The following RORA variants were observed in gnomAD, a reference collection of about 807,000 sequenced individuals.
RORA encodes the protein nuclear receptor ROR-alpha.
RORA carries 7 observed loss-of-function variants against 69.5 expected under a neutral mutation model. That is an observed-to-expected ratio of 0.10 (90% CI 0.06 to 0.19). The LOEUF (loss-of-function observed/expected upper bound fraction) is 0.19. RORA is among the 10% of genes least tolerant of loss of function. RORA has a pLI of 1.00. For missense variants in RORA, 457 were observed against 663.0 expected (o/e 0.69, Z 3.41); for synonymous variants, 261 against 240.8 (o/e 1.08, Z -0.78).
At chr15:60,516,172 T>TAA (rs1491109635) in intron 3 of RORA, among the ~76,000 whole-genome samples, 1 of 33,568 alleles carries the variant, frequency 3.0e-5, no homozygotes, top group African/African-American at 1.3e-4. Context: ...TATATATATA[T>TAA]TTATATATAT....
intron 1 of RORA, among the ~76,000 whole-genome samples, chr15:60,887,803 C>T (rs376854314): frequency 2.6e-5 from 4 of 152,248 alleles, no homozygotes; most frequent in Admixed American, 2.0e-4. Context: ...CACCTTGCTG[C>T]GGGCATCAGC....
At chr15:60,784,383 G>C (rs1409889725) in intron 1 of RORA, among the ~76,000 whole-genome samples, 1 of 152,110 alleles carries the variant, frequency 6.6e-6, no homozygotes, top group African/African-American at 2.4e-5. Flanking sequence ...GGAGATTCTG[G>C]ACATTCCAAT....
At chr15:60,939,659 A>G (rs926260169) in intron 1 of RORA, among the ~76,000 whole-genome samples, 5 of 152,180 alleles carry the variant, frequency 3.3e-5, no homozygotes, top group African/African-American at 1.2e-4. Flanking sequence ...TTCCCCGCTC[A>G]TTATGGTGAA....
At chr15:60,953,955 G>T (rs1322568641) in intron 1 of RORA, among the ~76,000 whole-genome samples, 1 of 151,624 alleles carries the variant, frequency 6.6e-6, no homozygotes, top group Non-Finnish European at 1.5e-5. Flanking sequence ...TATACCCAGA[G>T]GACTATAAAT....
At chr15:60,613,540 C>T (rs76111634) in intron 2 of RORA, among the ~76,000 whole-genome samples, 6 of 152,148 alleles carry the variant, frequency 3.9e-5, no homozygotes, top group African/African-American at 4.8e-5. Context: ...GGTTGTTCTA[C>T]GATTCAAATA....
intron 1 of RORA, among the ~76,000 whole-genome samples, chr15:60,782,977 T>A (rs1453221800): frequency 1.3e-5 from 2 of 152,226 alleles, no homozygotes; most frequent in Admixed American, 1.3e-4. Flanking sequence ...TCTCTGGGAC[T>A]ATACGCTAAG....
intron 1 of RORA, among the ~76,000 whole-genome samples, chr15:61,053,662 G>A (rs946069362): frequency 6.6e-6 from 1 of 151,804 alleles, no homozygotes; most frequent in African/African-American, 2.4e-5. Context: ...GCCTGGGTAT[G>A]CGGTCTTTGA....
chr15:60,788,280 A>C (rs1194145872), intron 1 of RORA, among the ~76,000 whole-genome samples: 1 of 152,170 alleles, frequency 6.6e-6, no homozygotes, highest in Non-Finnish European at 1.5e-5. Context: ...CACATCTCTG[A>C]CCTCAAGGAG....
At chr15:60,941,538 C>G (rs1892696664) in intron 1 of RORA, among the ~76,000 whole-genome samples, 1 of 152,252 alleles carries the variant, frequency 6.6e-6, no homozygotes, top group African/African-American at 2.4e-5. Context: ...CCCAATGAGA[C>G]AGCCTCGGGC....
chr15:61,225,274 T>C (rs776970725), intron 1 of RORA, among the ~76,000 whole-genome samples: 30 of 152,170 alleles, frequency 2.0e-4, no homozygotes, highest in Non-Finnish European at 1.2e-4. Context: ...AGCAGCTCTT[T>C]CAAACTATGG....
intron 1 of RORA, among the ~76,000 whole-genome samples, chr15:60,863,693 T>C (rs968875672): frequency 6.6e-6 from 1 of 152,264 alleles, no homozygotes; most frequent in African/African-American, 2.4e-5. Flanking sequence ...TTAAACTGTT[T>C]AGTAGACTGT....
intron 2 of RORA, among the ~76,000 whole-genome samples, chr15:60,640,626 A>AT (rs1029859306): frequency 1.3e-4 from 19 of 150,464 alleles, no homozygotes; most frequent in Admixed American, 3.3e-4. Context: ...CTTCTATAAA[A>AT]TTTTTTTTTT....
At chr15:60,924,279 T>G (rs74201444) in intron 1 of RORA, among the ~76,000 whole-genome samples, 11,774 of 142,796 alleles carry the variant, frequency 0.082, 967 homozygotes, top group African/African-American at 0.18. Context: ...TATTCAGTAC[T>G]TTTTCACTCA....
chr15:60,628,069 G>C (rs554184728), intron 2 of RORA, among the ~76,000 whole-genome samples: 1 of 152,090 alleles, frequency 6.6e-6, no homozygotes, highest in African/African-American at 2.4e-5. Context: ...TCTGGTTAAC[G>C]TATTGCTTTA....
chr15:61,126,994 C>A (rs920901419), intron 1 of RORA, among the ~76,000 whole-genome samples: 4 of 152,130 alleles, frequency 2.6e-5, no homozygotes, highest in African/African-American at 7.2e-5. Context: ...TCATTTGGAG[C>A]CTCATCCTTC....
intron 1 of RORA, among the ~76,000 whole-genome samples, chr15:60,827,377 A>G (rs982072050): frequency 1.3e-5 from 2 of 152,250 alleles, no homozygotes; most frequent in African/African-American, 4.8e-5. Flanking sequence ...CTGCTAAGAA[A>G]ATGTCTGGCA....
chr15:60,929,516 G>A (rs1485083705), intron 1 of RORA, among the ~76,000 whole-genome samples: 1 of 152,174 alleles, frequency 6.6e-6, no homozygotes, highest in Non-Finnish European at 1.5e-5. Context: ...ATAATGCTAG[G>A]ACAGCCACTT....
intron 1 of RORA, among the ~76,000 whole-genome samples, chr15:60,917,786 G>A (rs981088489): frequency 6.6e-6 from 1 of 152,164 alleles, no homozygotes; most frequent in Admixed American, 6.5e-5. Context: ...CTGAAGCATC[G>A]GCCCTTATTT....
chr15:60,767,593 A>G (rs185624965), intron 1 of RORA, among the ~76,000 whole-genome samples: 4 of 152,252 alleles, frequency 2.6e-5, no homozygotes, highest in Non-Finnish European at 5.9e-5. Context: ...GGGCTGCCAG[A>G]TCTCACATTG....
Sources: gnomAD v4.1 joint callset for allele counts (sites outside exome capture counted in the v4.1 genomes callset) on GRCh38, gnomAD v4.1.1 for gene constraint, MANE v1.5 for transcripts, NCBI Gene and HGNC (gene_info 2026-07-23, HGNC 2026-07-21) for gene names.